Variants in NEB observed in about 807,000 individuals in gnomAD.
The protein encoded by NEB is nemaline myopathy type 2.
A neutral mutation model predicts 952.2 loss-of-function variants in NEB; 512 were observed. That is an observed-to-expected ratio of 0.54 (90% CI 0.50 to 0.58). The LOEUF (loss-of-function observed/expected upper bound fraction) is 0.58, where lower values mean the gene tolerates loss of function less well. NEB is among the 20% of genes least tolerant of loss of function. NEB has a pLI of 0.00. For missense variants in NEB, 8,428 were observed against 9,231.1 expected (o/e 0.91, Z 3.56); for synonymous variants, 2,900 against 3,149.8 (o/e 0.92, Z 2.66).
intron 46 of NEB, among the ~76,000 whole-genome samples, chr2:151,659,778 T>A (rs992149801): frequency 3.9e-5 from 6 of 152,240 alleles, no homozygotes; most frequent in African/African-American, 1.4e-4. Context: ...CATGAAGTCA[T>A]GTTCTACATC....
intron 25 of NEB, among the ~76,000 whole-genome samples, chr2:151,688,089 C>T (rs1259815239): frequency 6.6e-6 from 1 of 152,154 alleles, no homozygotes; most frequent in Non-Finnish European, 1.5e-5. Flanking sequence ...TGGAGATCTT[C>T]TGATAGTAAC....
At chr2:151,513,885 A>G (rs16830130) in intron 159 of NEB, among the ~76,000 whole-genome samples, 192 bp from the exon 160 acceptor site, 2,261 of 152,264 alleles carry the variant, frequency 0.015, 81 homozygotes, top group East Asian at 0.14. Flanking sequence ...GGAGGAAACT[A>G]TTCTATGCAA....
Position 151,656,161 on chromosome 2 carries a change from G to A in NEB, c.6487C>T (p.Gln2163Ter). ...GTAGAAGAAAGCCTTACATCACTCT[G>A]TATGCGATTCATATTCCTGGTCAGC... ...IELTRNMNRI[Q>*]SDNEYKQDYN... Residue 2163 changes from glutamine (Q) to a stop codon, truncating the protein, a stop_gained, in exon 49 of 182, where the codon CAG (glutamine) becomes TAG (stop). Transcript: ENST00000397345. LOFTEE classifies it high-confidence loss of function. The A allele has an allele frequency of 6.3e-7, 1 of 1,590,772 alleles. No homozygotes were observed.
intron 13 of NEB, among the ~76,000 whole-genome samples, chr2:151,702,813 C>G (rs912430784): frequency 2.0e-5 from 3 of 152,132 alleles, no homozygotes; most frequent in Non-Finnish European, 2.9e-5. Context: ...GGTCTTGACT[C>G]TTTATCCAAT....
intron 10 of NEB, among the ~76,000 whole-genome samples, chr2:151,712,824 T>C (rs2099748915): frequency 6.6e-6 from 1 of 152,048 alleles, no homozygotes; most frequent in Admixed American, 6.5e-5. Flanking sequence ...GTACAATACA[T>C]GGAGACGGGT....
chr2:151,574,502 T>A (rs1168839203), intron 107 of NEB, among the ~76,000 whole-genome samples: 2 of 152,164 alleles, frequency 1.3e-5, no homozygotes, highest in Admixed American at 6.5e-5. Context: ...ATTTTATTTT[T>A]AAAAAATAAG....
intron 142 of NEB, among the ~76,000 whole-genome samples, chr2:151,535,260 C>T (rs1576617794): frequency 6.6e-6 from 1 of 152,206 alleles, no homozygotes; most frequent in African/African-American, 2.4e-5. Flanking sequence ...ATTCCTTTAG[C>T]GTAGCTCTTC....
chr2:151,576,538 T>A (rs1178558208), intron 105 of NEB, among the ~76,000 whole-genome samples, 184 bp from the exon 106 acceptor site: 11 of 96,188 alleles, frequency 1.1e-4, no homozygotes, highest in Non-Finnish European at 1.7e-4. Flanking sequence ...TTTTTTTTTT[T>A]TTTTTTTTTT....
At chr2:151,680,121 G>A in intron 30 of NEB, 99 bp from the exon 31 acceptor site, 2 of 911,818 alleles carry the variant, frequency 2.2e-6, no homozygotes, top group South Asian at 3.1e-5. Context: ...TCACAGAGGT[G>A]GTTTTAGGAA....
Position 151,724,490 on chromosome 2 carries a change from A to G in NEB, c.508-126T>C, listed in dbSNP as rs552610311. 1.3e-3 allele frequency: 929 copies of G among 710,158 alleles called. 5 individuals are homozygous for G. The African/African-American group carries it at 0.014, about 11-fold the overall frequency. The allele number at this position is 710,158 out of a possible 1,614,324, so 44.0% of individuals were successfully genotyped here. A position where few individuals can be genotyped will look rare whatever the true frequency, so the allele number is the denominator to read the frequency against. ...GTTGCCAATGGGTTACTAGGAAAAC[A>G]TTGACCATGCCAACATCCTATAATA... On this transcript the variant is annotated intron_variant, in intron 7 of 181. Coordinates refer to ENST00000397345, the MANE Select transcript of NEB (RefSeq NM_001164508.2).
chr2:151,612,724 G>A (rs1046170779), intron 77 of NEB, among the ~76,000 whole-genome samples: 3 of 152,222 alleles, frequency 2.0e-5, no homozygotes, highest in African/African-American at 7.2e-5. Flanking sequence ...TATGGAAACT[G>A]TACTGGGTGA....
chr2:151,531,111 C>CA lies in NEB; in HGVS notation c.21523-11dup. 4 of 1,556,978 alleles carry CA rather than the reference C, an allele frequency of 2.6e-6. No homozygotes were observed. Among genetic ancestry groups the CA allele is most frequent in the Non-Finnish European group, 3.5e-6 (4 of 1,130,764 alleles). Reference sequence around the variant, plus strand: ...CCAATTTATAAAGGATCTGAAAGATCAAAAAGCAGAAAGACATCATGTCAT... The same window carrying CA: ...CCAATTTATAAAGGATCTGAAAGATCAAAAAAGCAGAAAGACATCATGTCAT... On this transcript the variant is annotated splice_polypyrimidine_tract_variant and intron_variant, in intron 144 of 181. Transcript: ENST00000397345.
chr2:151,709,687 A>T lies in NEB; in HGVS notation c.1004T>A (p.Met335Lys), dbSNP rs771023811. Residue 335 changes from methionine (M) to lysine (K), a missense_variant, in exon 12 of 182, where the codon ATG becomes AAG. Coordinates refer to ENST00000397345, the MANE Select transcript of NEB (RefSeq NM_001164508.2). ...FMQTETPEYKMNKKAGVAASK... is the reference protein window; with the variant it reads ...FMQTETPEYKKNKKAGVAASK... ...AGCTGCCACACCAGCTTTTTTATTC[A>T]TTTTATACTCTGGTGTTTCGGTCTG... 1.9e-6 allele frequency: 3 copies of T among 1,602,988 alleles called. No individual in the cohort carries two copies. The highest frequency in any genetic ancestry group is 2.6e-6 in the Non-Finnish European group (3 of 1,174,008).
At chr2:151,497,431 T>G in intron 171 of NEB, 195 bp downstream of exon 171, 1 of 979,654 alleles carries the variant, frequency 1.0e-6, no homozygotes, top group South Asian at 4.7e-5. Flanking sequence ...AATAAAAAAT[T>G]GAAATTAACT....
chr2:151,712,108 C>T (rs2099747090), intron 10 of NEB, among the ~76,000 whole-genome samples: 1 of 152,108 alleles, frequency 6.6e-6, no homozygotes, highest in Non-Finnish European at 1.5e-5. Context: ...TTCAGAGGTT[C>T]TTGATGTACA....
intron 176 of NEB, chr2:151,492,776 G>T: frequency 3.9e-6 from 1 of 255,086 alleles, no homozygotes; most frequent in Non-Finnish European, 7.5e-6. Flanking sequence ...AATTTGCTAG[G>T]AATTACAGCA....
Position 151,534,191 on chromosome 2 carries a change from C to T in NEB, c.21313-645G>A, listed in dbSNP as rs947740074. ...ACTGGGAGCACAGTCCTGCCTGGGC[C>T]ACCGGCCAGCCCCATCACAGTACCT... On this transcript the variant is annotated intron_variant, in intron 142 of 181. Coordinates refer to ENST00000397345, the MANE Select transcript of NEB (RefSeq NM_001164508.2). 4 of 1,583,182 alleles carry T rather than the reference C, an allele frequency of 2.5e-6. No individual in the cohort carries two copies. In the South Asian group the frequency reaches 3.3e-5, roughly 13 times the overall value.
intron 127 of NEB, 116 bp from the exon 128 acceptor site, chr2:151,552,892 C>T (rs1443242968): frequency 1.0e-5 from 7 of 686,696 alleles, no homozygotes; most frequent in Non-Finnish European, 1.8e-5. Flanking sequence ...ATCAGCACTA[C>T]TCAACAGACC....
chr2:151,637,017 ATCAAT>A (rs2098774597), intron 63 of NEB, among the ~76,000 whole-genome samples: 1 of 152,122 alleles, frequency 6.6e-6, no homozygotes, highest in Non-Finnish European at 1.5e-5. Context: ...GATCATGGCA[ATCAAT>A]TCAACTCACA....
Sources: gnomAD v4.1 joint callset for allele counts (sites outside exome capture counted in the v4.1 genomes callset) on GRCh38, gnomAD v4.1.1 for gene constraint, MANE v1.5 for transcripts, NCBI Gene and HGNC (gene_info 2026-07-23, HGNC 2026-07-21) for gene names.